WRN: variants seen among roughly 807,000 people sequenced by gnomAD.
The protein encoded by WRN is WRN RecQ like helicase.
WRN carries 149 observed loss-of-function variants against 180.7 expected under a neutral mutation model. That is an observed-to-expected ratio of 0.82 (90% CI 0.72 to 0.94). The LOEUF (loss-of-function observed/expected upper bound fraction) is 0.94. WRN is among the 40% of genes least tolerant of loss of function. The pLI is 0.00. For missense variants in WRN, 1,661 were observed against 1,700.1 expected (o/e 0.98, Z 0.40); for synonymous variants, 548 against 568.9 (o/e 0.96, Z 0.52).
intron 34 of WRN, among the ~76,000 whole-genome samples, chr8:31,167,985 A>G (rs1296262469): frequency 6.6e-6 from 1 of 152,120 alleles, no homozygotes; most frequent in African/African-American, 2.4e-5. Context: ...ATGTGGTAGT[A>G]GGTGGTGGTG....
intron 17 of WRN, among the ~76,000 whole-genome samples, chr8:31,097,778 C>CA (rs1450470143): frequency 6.6e-6 from 1 of 151,666 alleles, no homozygotes. Flanking sequence ...GACCATGCCT[C>CA]AAAAAAAATT....
intron 7 of WRN, among the ~76,000 whole-genome samples, chr8:31,068,981 C>T (rs556554817): frequency 5.5e-4 from 83 of 152,264 alleles, no homozygotes; most frequent in African/African-American, 2.0e-3. Context: ...GCCATGTGAC[C>T]TGGGATGTAC....
chr8:31,110,013 G>A (rs1801243927), intron 18 of WRN, among the ~76,000 whole-genome samples: 1 of 152,070 alleles, frequency 6.6e-6, no homozygotes, highest in African/African-American at 2.4e-5. Flanking sequence ...CTTATGGACT[G>A]TATCCTGAAA....
intron 18 of WRN, among the ~76,000 whole-genome samples, chr8:31,101,959 C>T (rs1182385726): frequency 6.6e-6 from 1 of 151,468 alleles, no homozygotes; most frequent in Non-Finnish European, 1.5e-5. Flanking sequence ...TATAGAGGTC[C>T]TATGTACCTT....
intron 34 of WRN, among the ~76,000 whole-genome samples, chr8:31,168,484 C>T (rs989419386): frequency 4.4e-5 from 5 of 114,798 alleles, no homozygotes; most frequent in African/African-American, 1.3e-4. Flanking sequence ...ATTTCAGTAA[C>T]ATTACATGTC....
intron 24 of WRN, among the ~76,000 whole-genome samples, chr8:31,135,877 T>G (rs1265587805): frequency 6.6e-6 from 1 of 152,198 alleles, no homozygotes; most frequent in Middle Eastern, 3.2e-3. Context: ...AGACTTTGCT[T>G]TTACCGGAAA....
At chr8:31,090,645 A>G in intron 14 of WRN, 113 bp downstream of exon 14, 1 of 1,209,418 alleles carries the variant, frequency 8.3e-7, no homozygotes, top group Non-Finnish European at 1.2e-6. Flanking sequence ...CAAATGATGT[A>G]AACTATAGAA....
At chr8:31,080,721 T>G in intron 8 of WRN, 146 bp from the exon 9 acceptor site, 3 of 659,070 alleles carry the variant, frequency 4.6e-6, no homozygotes, top group East Asian at 2.8e-5. Flanking sequence ...TATATGGGCA[T>G]TAGGGAATGA....
intron 18 of WRN, among the ~76,000 whole-genome samples, chr8:31,110,837 CAT>C (rs1801283288): frequency 6.6e-6 from 1 of 151,972 alleles, no homozygotes; most frequent in Admixed American, 6.5e-5. Flanking sequence ...GAAATAATAC[CAT>C]AGTTAAGTGT....
intron 1 of WRN, among the ~76,000 whole-genome samples, chr8:31,046,784 T>C (rs1811881508): frequency 6.6e-6 from 1 of 152,132 alleles, no homozygotes; most frequent in South Asian, 2.1e-4. Flanking sequence ...AGACATCACC[T>C]ATTGGTACCT....
In WRN at chr8:31,087,798, G is replaced by T. The variant is rs994487409; in HGVS notation, c.1454G>T (p.Gly485Val). The part of the protein sequence containing the change: ...MLKSLENLNS[G>V]TVEPTHSKCL... ...CAGTCTTTAGAAAACCTCAATAGTGGCACGGTAGAACCAACTCATTCTAAA... is the reference window on the plus strand; with the variant it reads ...CAGTCTTTAGAAAACCTCAATAGTGTCACGGTAGAACCAACTCATTCTAAA... The change falls in exon 12 of 35, where the codon GGC (glycine) becomes GTC (valine). Residue 485 changes from glycine (G) to valine (V), a missense_variant. Around this residue, in one of 3 missense-constraint regions of WRN, gnomAD observed 1,141 missense variants for 1,149.4 expected, o/e 0.99. Coordinates refer to ENST00000298139, the MANE Select transcript of WRN (RefSeq NM_000553.6). The T allele has an allele frequency of 6.2e-7, 1 of 1,613,376 alleles. No homozygotes were observed. The highest frequency in any genetic ancestry group is 1.3e-5 in the African/African-American group (1 of 74,878).
chr8:31,068,318 A>C lies in WRN; in HGVS notation c.715A>C (p.Ile239Leu), dbSNP rs781741859. 1.2e-6 allele frequency: 2 copies of C among 1,605,692 alleles called. No homozygotes were observed. Among genetic ancestry groups the C allele is most frequent in the Non-Finnish European group, 1.7e-6 (2 of 1,173,286 alleles). The change falls in exon 7 of 35, where the codon ATA becomes CTA. Residue 239 changes from isoleucine to leucine, a missense_variant. Transcript: ENST00000298139. The part of the protein sequence containing the change: ...ILDDTVQRFA[I>L]NKEEEILLSD... ...GGATGATACTGTGCAAAGGTTTGCT[A>C]TAAATAAAGGTATGTTAAGATCCAT...
intron 7 of WRN, among the ~76,000 whole-genome samples, chr8:31,074,519 G>A (rs913676493): frequency 1.3e-5 from 2 of 152,150 alleles, no homozygotes; most frequent in African/African-American, 4.8e-5. Context: ...GAAAGGAAGA[G>A]GTTTGAAATA....
intron 1 of WRN, among the ~76,000 whole-genome samples, chr8:31,048,654 T>A (rs752394366): frequency 6.6e-6 from 1 of 152,176 alleles, no homozygotes; most frequent in Non-Finnish European, 1.5e-5. Context: ...CCAGAATTTT[T>A]AAAAAGTTTA....
intron 2 of WRN, among the ~76,000 whole-genome samples, chr8:31,058,854 G>A (rs1812377130): frequency 6.6e-6 from 1 of 152,054 alleles, no homozygotes; most frequent in African/African-American, 2.4e-5. Flanking sequence ...GCATTTTAAG[G>A]CAACATTATT....
chr8:31,064,161 T>C (rs1585408005), intron 3 of WRN, 128 bp from the exon 4 acceptor site: 2 of 956,402 alleles, frequency 2.1e-6, no homozygotes, highest in East Asian at 5.4e-5. Flanking sequence ...CTGTTCATTG[T>C]CAGTTGTATG....
At chr8:31,081,922 A>G (rs917207622) in intron 9 of WRN, among the ~76,000 whole-genome samples, 2 of 151,908 alleles carry the variant, frequency 1.3e-5, no homozygotes, top group African/African-American at 4.8e-5. Context: ...CACTACACTC[A>G]GCTAATTTTT....
At chr8:31,164,497 A>G (rs578102166) in intron 33 of WRN, among the ~76,000 whole-genome samples, 4 of 152,342 alleles carry the variant, frequency 2.6e-5, no homozygotes, top group African/African-American at 7.2e-5. Context: ...TTGAGAAAAC[A>G]TAGCTATTAA....
intron 16 of WRN, among the ~76,000 whole-genome samples, chr8:31,092,637 A>T (rs912315838): frequency 2.6e-5 from 4 of 151,938 alleles, no homozygotes; most frequent in African/African-American, 7.3e-5. Context: ...ATACATACAC[A>T]CGAGATACAC....
Sources: allele counts gnomAD v4.1 joint callset (sites outside exome capture counted in the v4.1 genomes callset), GRCh38; gene constraint gnomAD v4.1.1; regional missense constraint gnomAD v4.1.1; transcripts MANE v1.5; gene names NCBI Gene and HGNC (gene_info 2026-07-23, HGNC 2026-07-21).